IMMP2L: variants seen among roughly 807,000 people sequenced by gnomAD.
IMMP2L encodes the protein mitochondrial inner membrane protease subunit 2.
A neutral mutation model predicts 19.3 loss-of-function variants in IMMP2L; 18 were observed. The ratio of observed to expected loss-of-function variants is 0.93; its 90% CI spans 0.64 to 1.38. IMMP2L has a LOEUF of 1.38. IMMP2L is among the 40% of genes most tolerant of loss of function. IMMP2L has a pLI of 0.00. For missense variants in IMMP2L, 233 were observed against 218.2 expected, an observed-to-expected ratio of 1.07 and a Z score of -0.43; for synonymous variants, 76 against 73.0, an observed-to-expected ratio of 1.04 and a Z score of -0.21.
intron 3 of IMMP2L, among the ~76,000 whole-genome samples, chr7:111,486,324 T>C (rs576423175): frequency 5.9e-5 from 9 of 152,174 alleles, no homozygotes; most frequent in Non-Finnish European, 8.8e-5. Flanking sequence ...AATAAGCAGA[T>C]GATGTCTTGC....
intron 3 of IMMP2L, among the ~76,000 whole-genome samples, chr7:111,453,990 A>G (rs1380231721): frequency 1.3e-5 from 2 of 152,180 alleles, no homozygotes; most frequent in Non-Finnish European, 2.9e-5. Flanking sequence ...GCTGATACAC[A>G]TAACACTTAA....
intron 3 of IMMP2L, among the ~76,000 whole-genome samples, chr7:111,426,348 T>C (rs1251661839): frequency 6.7e-6 from 1 of 150,236 alleles, no homozygotes; most frequent in African/African-American, 2.5e-5. Flanking sequence ...CACAGCAACA[T>C]GTATTTCATT....
intron 3 of IMMP2L, among the ~76,000 whole-genome samples, chr7:111,446,582 G>C (rs1462408893): frequency 1.3e-5 from 2 of 151,868 alleles, no homozygotes; most frequent in South Asian, 4.2e-4. Flanking sequence ...AAGACCAAAA[G>C]TAGATAAAAC....
chr7:110,843,563 T>C (rs896182842), intron 5 of IMMP2L, among the ~76,000 whole-genome samples: 1 of 152,182 alleles, frequency 6.6e-6, no homozygotes, highest in Non-Finnish European at 1.5e-5. Flanking sequence ...GGCATCATGC[T>C]GAAGATTCAT....
intron 1 of IMMP2L, among the ~76,000 whole-genome samples, chr7:111,522,542 T>G (rs1846433994): frequency 6.6e-6 from 1 of 151,762 alleles, no homozygotes; most frequent in Non-Finnish European, 1.5e-5. Context: ...AGCCAACAGG[T>G]ATATGAAAAG....
chr7:111,124,930 AAC>A (rs775557487), intron 3 of IMMP2L: 8 of 1,409,250 alleles, frequency 5.7e-6, no homozygotes, highest in South Asian at 1.5e-5. Context: ...TCCAAAAATG[AAC>A]AAAAAAAAAA....
intron 3 of IMMP2L, among the ~76,000 whole-genome samples, chr7:111,211,367 G>A (rs1008040389): frequency 1.3e-5 from 2 of 152,100 alleles, no homozygotes; most frequent in East Asian, 1.9e-4. Context: ...AAAGAGAGAC[G>A]AAAATGAAGA....
chr7:110,740,926 A>C (rs1427021946), intron 5 of IMMP2L, among the ~76,000 whole-genome samples: 1 of 67,614 alleles, frequency 1.5e-5, no homozygotes, highest in Non-Finnish European at 4.6e-5. Flanking sequence ...ACTGTATATT[A>C]AAAAAAAAAA....
At chr7:110,981,616 A>C (rs886224907) in intron 3 of IMMP2L, among the ~76,000 whole-genome samples, 1 of 151,882 alleles carries the variant, frequency 6.6e-6, no homozygotes, top group Non-Finnish European at 1.5e-5. Flanking sequence ...AGTTGAAGTG[A>C]CTCCTTTTTA....
At chr7:111,033,094 T>C (rs1790997338) in intron 3 of IMMP2L, among the ~76,000 whole-genome samples, 2 of 152,180 alleles carry the variant, frequency 1.3e-5, no homozygotes, top group African/African-American at 4.8e-5. Flanking sequence ...CACTCCAGCC[T>C]GGGTGACAGA....
chr7:111,176,695 A>T (rs1202809314), intron 3 of IMMP2L, among the ~76,000 whole-genome samples: 1 of 152,032 alleles, frequency 6.6e-6, no homozygotes, highest in Non-Finnish European at 1.5e-5. Context: ...AATGAATAAA[A>T]TCTAGTATTT....
chr7:110,850,262 C>G (rs1806067971), intron 5 of IMMP2L, among the ~76,000 whole-genome samples: 1 of 152,072 alleles, frequency 6.6e-6, no homozygotes, highest in Non-Finnish European at 1.5e-5. Flanking sequence ...CCAGCGATCC[C>G]TAGCTGCCTT....
intron 5 of IMMP2L, among the ~76,000 whole-genome samples, chr7:110,868,854 C>G (rs1808266059): frequency 6.6e-6 from 1 of 151,436 alleles, no homozygotes; most frequent in Non-Finnish European, 1.5e-5. Context: ...GGAAAACAGC[C>G]AGGTTTTAAC....
At chr7:111,017,216 T>C (rs1205583192) in intron 3 of IMMP2L, among the ~76,000 whole-genome samples, 1 of 150,960 alleles carries the variant, frequency 6.6e-6, no homozygotes, top group East Asian at 2.0e-4. Context: ...CACAGGTACA[T>C]ACCACCATGC....
chr7:110,820,006 C>A (rs572516374), intron 5 of IMMP2L, among the ~76,000 whole-genome samples: 5 of 151,970 alleles, frequency 3.3e-5, no homozygotes, highest in Admixed American at 1.3e-4. Context: ...GACAATCTAG[C>A]AACTCTTTAT....
intron 2 of IMMP2L, among the ~76,000 whole-genome samples, chr7:111,487,542 T>A (rs1042871484): frequency 6.6e-6 from 1 of 152,046 alleles, no homozygotes; most frequent in Non-Finnish European, 1.5e-5. Context: ...CAGAAAAAAA[T>A]AAATTACCAA....
chr7:111,085,326 T>G (rs947392025), intron 3 of IMMP2L, among the ~76,000 whole-genome samples: 1 of 152,232 alleles, frequency 6.6e-6, no homozygotes, highest in Non-Finnish European at 1.5e-5. Flanking sequence ...GGAATCACTG[T>G]CTTCCAAAGC....
intron 3 of IMMP2L, among the ~76,000 whole-genome samples, chr7:111,029,005 T>C (rs1464180704): frequency 6.6e-6 from 1 of 152,162 alleles, no homozygotes; most frequent in Non-Finnish European, 1.5e-5. Context: ...TTACATAAAA[T>C]ATCTATTAGC....
intron 5 of IMMP2L, among the ~76,000 whole-genome samples, chr7:110,884,516 TG>T (rs1810009527): frequency 6.6e-6 from 1 of 152,042 alleles, no homozygotes; most frequent in African/African-American, 2.4e-5. Flanking sequence ...ATCCATATCA[TG>T]GGACGATAGG....
Sources: allele counts gnomAD v4.1 joint callset (sites outside exome capture counted in the v4.1 genomes callset), GRCh38; gene constraint gnomAD v4.1.1; transcripts MANE v1.5; gene names NCBI Gene and HGNC (gene_info 2026-07-23, HGNC 2026-07-21).